KATNAL2: variants seen among roughly 807,000 people sequenced by gnomAD.
KATNAL2 encodes katanin catalytic subunit A1 like 2.
KATNAL2 carries 52 observed loss-of-function variants against 76.3 expected under a neutral mutation model. That is an observed-to-expected ratio of 0.68 (90% CI 0.55 to 0.86). The LOEUF is 0.86. Ranked by LOEUF, KATNAL2 falls within the 40% of genes least tolerant of loss-of-function variation. The pLI is 0.00. For synonymous variants in KATNAL2, 243 were observed against 244.2 expected (o/e 1.00, Z 0.05); for missense variants, 660 against 668.9 (o/e 0.99, Z 0.15).
chr18:47,049,106 A>T (rs1355306813), intron 4 of KATNAL2, among the ~76,000 whole-genome samples: 2 of 152,040 alleles, frequency 1.3e-5, no homozygotes, highest in African/African-American at 4.8e-5. Context: ...TACAGGCGTG[A>T]GCCACCGCGC....
intron 3 of KATNAL2, chr18:47,033,010 C>A: frequency 6.2e-7 from 1 of 1,614,114 alleles, no homozygotes; most frequent in Non-Finnish European, 8.5e-7. Context: ...AGTTTATCGT[C>A]GGGAGAATCT....
At chr18:46,937,059 C>T (rs1413116632) in intron 1 of KATNAL2, among the ~76,000 whole-genome samples, 1 of 152,184 alleles carries the variant, frequency 6.6e-6, no homozygotes, top group East Asian at 1.9e-4. Context: ...CTGTTTTTCA[C>T]TCACCTCTCT....
intron 1 of KATNAL2, among the ~76,000 whole-genome samples, chr18:46,921,119 T>C (rs2058515063): frequency 6.6e-6 from 1 of 152,176 alleles, no homozygotes; most frequent in South Asian, 2.1e-4. Context: ...TTTGTTTGTT[T>C]GTTTTTTGTT....
At chr18:46,952,546 C>T (rs559192265) in intron 3 of KATNAL2, among the ~76,000 whole-genome samples, 183 of 151,804 alleles carry the variant, frequency 1.2e-3, no homozygotes, top group Middle Eastern at 3.4e-3. Flanking sequence ...ACTCTAGGTG[C>T]GTACCACCAC....
At chr18:47,073,499 CA>C (rs1268615705) in intron 13 of KATNAL2, among the ~76,000 whole-genome samples, 1 of 152,210 alleles carries the variant, frequency 6.6e-6, no homozygotes, top group East Asian at 1.9e-4. Context: ...CAATCTTGGT[CA>C]TGCTGTCAGG....
chr18:46,918,320 G>A (rs982929617), intron 1 of KATNAL2, among the ~76,000 whole-genome samples: 1 of 152,116 alleles, frequency 6.6e-6, no homozygotes, highest in African/African-American at 2.4e-5. Flanking sequence ...ACCCACACAC[G>A]AGAGGTCTTT....
At chr18:46,956,898 C>T (rs2059764726) in intron 3 of KATNAL2, among the ~76,000 whole-genome samples, 1 of 152,016 alleles carries the variant, frequency 6.6e-6, no homozygotes, top group African/African-American at 2.4e-5. Flanking sequence ...CAAAAATTAG[C>T]CAGGCGTGGT....
intron 3 of KATNAL2, among the ~76,000 whole-genome samples, chr18:46,958,992 T>A (rs575122656): frequency 3.9e-5 from 6 of 152,388 alleles, no homozygotes; most frequent in African/African-American, 1.4e-4. Context: ...GTTAGCTAAT[T>A]AATAAGGTCA....
intron 1 of KATNAL2, among the ~76,000 whole-genome samples, chr18:46,931,712 AAGAG>A (rs1029324330): frequency 3.3e-5 from 5 of 151,256 alleles, no homozygotes; most frequent in Middle Eastern, 6.8e-3. Context: ...GAGAGAGAGA[AAGAG>A]AGAAAAAAGA....
intron 3 of KATNAL2, among the ~76,000 whole-genome samples, chr18:46,965,600 C>T (rs2060104779): frequency 9.4e-6 from 1 of 106,694 alleles, no homozygotes; most frequent in South Asian, 2.7e-4. Flanking sequence ...CCCCCGCCCC[C>T]AACGGTGGCC....
intron 1 of KATNAL2, among the ~76,000 whole-genome samples, chr18:46,936,738 G>T (rs775274410): frequency 6.6e-6 from 1 of 152,178 alleles, no homozygotes; most frequent in Non-Finnish European, 1.5e-5. Context: ...GATCACTTGA[G>T]ATGAGGAGTT....
chr18:46,929,976 T>C (rs937392306), intron 1 of KATNAL2, among the ~76,000 whole-genome samples: 12 of 152,128 alleles, frequency 7.9e-5, no homozygotes, highest in South Asian at 2.1e-4. Flanking sequence ...TGTTTCACCA[T>C]GTTGGCCAGG....
intron 15 of KATNAL2, among the ~76,000 whole-genome samples, chr18:47,087,769 TG>T (rs1219042551): frequency 5.3e-5 from 8 of 152,140 alleles, no homozygotes; most frequent in Non-Finnish European, 1.0e-4. Context: ...TGTGTGTGTG[TG>T]TGTGTGTGTG....
At chr18:47,097,477 A>G (rs2063299370) in intron 15 of KATNAL2, among the ~76,000 whole-genome samples, 1 of 152,226 alleles carries the variant, frequency 6.6e-6, no homozygotes, top group Non-Finnish European at 1.5e-5. Flanking sequence ...AATCTCATTA[A>G]GCTTTTAGAA....
chr18:46,957,409 C>G lies in KATNAL2; in HGVS notation c.51+10486C>G, dbSNP rs926348234. 1.5e-4 allele frequency among the ~76,000 whole-genome samples: 23 copies of G among 151,762 alleles called. No homozygotes were observed. The South Asian group carries it at 3.5e-3, about 23-fold the overall frequency. On this transcript the variant is annotated intron_variant, in intron 3 of 17. Coordinates refer to ENST00000683218, the MANE Select transcript of KATNAL2 (RefSeq NM_001387690.1). Reference sequence around the variant, plus strand: ...AGCTGGGACTACAGGCGCCCGCCACCTCACCCGGCTAATTTTTTGTATTTT... The same window carrying G: ...AGCTGGGACTACAGGCGCCCGCCACGTCACCCGGCTAATTTTTTGTATTTT...
chr18:46,930,689 C>G (rs527458333), intron 1 of KATNAL2, among the ~76,000 whole-genome samples: 1 of 150,906 alleles, frequency 6.6e-6, no homozygotes, highest in Non-Finnish European at 1.5e-5. Flanking sequence ...GTGGCAGGCA[C>G]CTGTAATTCC....
At chr18:46,943,742 G>A (rs982696190) in intron 1 of KATNAL2, among the ~76,000 whole-genome samples, 11 of 152,190 alleles carry the variant, frequency 7.2e-5, no homozygotes, top group African/African-American at 2.7e-4. Context: ...TCTTCCTTGT[G>A]CAAGATTTAA....
At chr18:47,031,938 C>T (rs1357601984) in intron 3 of KATNAL2, among the ~76,000 whole-genome samples, 11 of 152,072 alleles carry the variant, frequency 7.2e-5, no homozygotes, top group Admixed American at 6.5e-4. Flanking sequence ...ATTACCAGCC[C>T]GTGTGAGGCC....
intron 3 of KATNAL2, among the ~76,000 whole-genome samples, chr18:46,950,188 A>G (rs1022979249): frequency 2.0e-5 from 3 of 152,248 alleles, no homozygotes; most frequent in Admixed American, 2.0e-4. Context: ...CAGATAATAT[A>G]AATTTCTTGG....
Sources: allele counts gnomAD v4.1 joint callset (sites outside exome capture counted in the v4.1 genomes callset), GRCh38; gene constraint gnomAD v4.1.1; transcripts MANE v1.5; gene names NCBI Gene and HGNC (gene_info 2026-07-23, HGNC 2026-07-21).